The following IYD variants were observed in gnomAD, a reference collection of about 807,000 sequenced individuals.
IYD encodes the protein iodotyrosine deiodinase.
IYD carries 25 observed loss-of-function variants against 28.4 expected under a neutral mutation model. The observed-to-expected ratio is 0.88, with a 90% CI of 0.64 to 1.23. The LOEUF (loss-of-function observed/expected upper bound fraction) is 1.23, where lower values mean the gene tolerates loss of function less well. Ranked by LOEUF, IYD falls within the 50% of genes most tolerant of loss-of-function variation. IYD has a pLI of 0.00. For synonymous variants in IYD, 140 were observed against 130.8 expected (o/e 1.07, Z -0.48); for missense variants, 352 against 357.9 (o/e 0.98, Z 0.13).
In IYD at chr6:150,400,653, T is replaced by G. The variant is rs1778482546; in HGVS notation, c.*2416T>G. 6.6e-6 allele frequency: 1 copy of G among 152,232 alleles called. No homozygotes were observed. The allele number at this position is 152,232 out of a possible 1,614,324, so 9.4% of individuals were successfully genotyped here. A position where few individuals can be genotyped will look rare whatever the true frequency, so the allele number is the denominator to read the frequency against. The stretch of plus-strand genomic sequence containing the variant: ...TGTGGGAAGAATAAGAGGGGGACTG[T>G]CTTGTCCTTGCTACTCAAAGAGTGG... On this transcript the variant is annotated 3_prime_UTR_variant, in exon 5 of 5. Coordinates refer to ENST00000344419, the MANE Select transcript of IYD (RefSeq NM_203395.3).
At chr6:150,374,954 G>A (rs1777392365) in intron 1 of IYD, among the ~76,000 whole-genome samples, 2 of 152,100 alleles carry the variant, frequency 1.3e-5, no homozygotes, top group African/African-American at 4.8e-5. Flanking sequence ...TTGCTCTGAA[G>A]TTGGCATGCT....
At chr6:150,397,033 A>G (rs1007666170) in intron 4 of IYD, 2 of 151,382 alleles carry the variant, frequency 1.3e-5, no homozygotes, top group African/African-American at 4.9e-5. Flanking sequence ...ACAGTCTCTC[A>G]GGTATTGTGA....
chr6:150,376,409 T>C (rs1178377821), intron 1 of IYD, among the ~76,000 whole-genome samples: 1 of 152,032 alleles, frequency 6.6e-6, no homozygotes, highest in Non-Finnish European at 1.5e-5. Context: ...GGTGGGAGTG[T>C]GTAGGAGTAA....
intron 4 of IYD, chr6:150,395,445 CTG>C (rs1310110840): frequency 1.3e-6 from 2 of 1,537,196 alleles, no homozygotes; most frequent in Admixed American, 2.0e-5. Flanking sequence ...CTTCCTGAAT[CTG>C]TAAGCAGGTA....
At chr6:150,389,049 G>T (rs1408423216) in intron 1 of IYD, among the ~76,000 whole-genome samples, 2 of 152,092 alleles carry the variant, frequency 1.3e-5, no homozygotes, top group Non-Finnish European at 2.9e-5. Context: ...CCATTGCCCA[G>T]GCTAGAGTGC....
Position 150,378,777 on chromosome 6 carries a change from C to T in IYD, c.178+9568C>T, listed in dbSNP as rs543902542. On this transcript the variant is annotated intron_variant, in intron 1 of 4. Transcript: ENST00000344419. ...GACTAGAAATACCATTTGACCCAGC[C>T]ATCCCATTACTGGGTATATACCCAA... 6.7e-3 allele frequency among the ~76,000 whole-genome samples: 1,024 copies of T among 152,238 alleles called. 13 individuals are homozygous for T. The highest frequency in any genetic ancestry group is 0.023 in the African/African-American group (958 of 41,542).
rs1778394576 is a variant in IYD, at chr6:150,398,144, G to A, written c.777G>A (p.Leu259=). ...TGGGCCGCCCCGCACATGAAAAGCTGCTGATGCTGCTCCCCGTGGGGTACC... is the reference window on the plus strand; with the variant it reads ...TGGGCCGCCCCGCACATGAAAAGCTACTGATGCTGCTCCCCGTGGGGTACC... ...VLLGRPAHEK[L]LMLLPVGYPS... Residue 259 remains leucine, a synonymous_variant, in exon 5 of 5, where the codon CTG becomes CTA. Coordinates refer to ENST00000344419, the MANE Select transcript of IYD (RefSeq NM_203395.3). The A allele has an allele frequency of 6.2e-6, 10 of 1,614,078 alleles. No individual in the cohort carries two copies. The highest frequency in any genetic ancestry group is 8.5e-6 in the Non-Finnish European group (10 of 1,180,046).
intron 1 of IYD, among the ~76,000 whole-genome samples, chr6:150,386,752 C>T (rs965642082): frequency 4.6e-5 from 7 of 152,070 alleles, no homozygotes; most frequent in African/African-American, 1.4e-4. Flanking sequence ...TTATTATAAA[C>T]TGACCCTTTT....
chr6:150,375,363 A>C (rs1777408693), intron 1 of IYD, among the ~76,000 whole-genome samples: 1 of 152,202 alleles, frequency 6.6e-6, no homozygotes, highest in Non-Finnish European at 1.5e-5. Context: ...CTGTATTCTC[A>C]TGCTGATTCC....
At chr6:150,392,700 T>G (rs970579524) in intron 3 of IYD, among the ~76,000 whole-genome samples, 196 bp downstream of exon 3, 1 of 152,186 alleles carries the variant, frequency 6.6e-6, no homozygotes, top group Non-Finnish European at 1.5e-5. Context: ...TCTGACTCAA[T>G]TATTTGCTTA....
chr6:150,383,727 C>T (rs921996690), intron 1 of IYD, among the ~76,000 whole-genome samples: 37 of 144,070 alleles, frequency 2.6e-4, no homozygotes, highest in African/African-American at 8.8e-4. Flanking sequence ...CTTTGGGAGG[C>T]TGAGGTGGGA....
rs886669501 is a variant in IYD, at chr6:150,402,490, A to T, written c.*4253A>T. The T allele has an allele frequency of 2.0e-5, 3 of 152,294 alleles. No homozygotes were observed. Among genetic ancestry groups the T allele is most frequent in the African/African-American group, 7.2e-5 (3 of 41,466 alleles). The allele number at this position is 152,294 out of a possible 1,614,324, so 9.4% of individuals were successfully genotyped here. Reference sequence around the variant, plus strand: ...TCTTCCCCAAAACATATAACTCTGGATTTGGAAAACAAAACTGGATATAAC... The same window carrying T: ...TCTTCCCCAAAACATATAACTCTGGTTTTGGAAAACAAAACTGGATATAAC... On this transcript the variant is annotated 3_prime_UTR_variant, in exon 5 of 5. Coordinates refer to ENST00000344419, the MANE Select transcript of IYD (RefSeq NM_203395.3).
intron 2 of IYD, among the ~76,000 whole-genome samples, chr6:150,389,930 T>C (rs1778047891): frequency 6.6e-6 from 1 of 152,226 alleles, no homozygotes; most frequent in African/African-American, 2.4e-5. Context: ...TATATTTGTT[T>C]TTTTTGGAAG....
Position 150,386,286 on chromosome 6 carries a change from T to C in IYD, c.179-3066T>C, listed in dbSNP as rs7744475. ...CTCTAAATATAATATGTTAATGTTA[T>C]TGCATAGATTTTTCAATATGTAATA... On this transcript the variant is annotated intron_variant, in intron 1 of 4. Coordinates refer to ENST00000344419, the MANE Select transcript of IYD (RefSeq NM_203395.3). 4.4e-3 allele frequency among the ~76,000 whole-genome samples: 676 copies of C among 152,248 alleles called. 6 individuals carry two copies. The highest frequency in any genetic ancestry group is 0.015 in the African/African-American group (624 of 41,570).
At chr6:150,376,399 G>T (rs1461725743) in intron 1 of IYD, among the ~76,000 whole-genome samples, 1 of 152,170 alleles carries the variant, frequency 6.6e-6, no homozygotes, top group Non-Finnish European at 1.5e-5. Flanking sequence ...ATGAGGGGAT[G>T]GTGGGAGTGT....
rs1332916296 is a variant in IYD, at chr6:150,369,210, G to A, written c.178+1G>A. 1 of 1,611,670 alleles carries A rather than the reference G, an allele frequency of 6.2e-7. No individual in the cohort carries two copies. The highest frequency in any genetic ancestry group is 8.5e-7 in the Non-Finnish European group (1 of 1,179,852). On this transcript the variant is annotated splice_donor_variant, in intron 1 of 4. Coordinates refer to ENST00000344419, the MANE Select transcript of IYD (RefSeq NM_203395.3). LOFTEE classifies it high-confidence loss of function. ...AGTGACCTGCACCAAGCAGAAGAAG[G>A]TAAAGACACCAGCTATGCTGCTTAG...
At chr6:150,371,922 GC>G (rs1182869437) in intron 1 of IYD, among the ~76,000 whole-genome samples, 1 of 152,114 alleles carries the variant, frequency 6.6e-6, no homozygotes, top group African/African-American at 2.4e-5. Flanking sequence ...AGGCTTCTCA[GC>G]CCCCCAAGTC....
rs969920842 is a variant in IYD at position 150,403,713 on chromosome 6, T to C, written c.*5476T>C. Reference sequence around the variant, plus strand: ...AGAGGCTATAATCCCATTTGGGAAATTCCTAAAAAGTCATGAGGCAGGGGA... The same window carrying C: ...AGAGGCTATAATCCCATTTGGGAAACTCCTAAAAAGTCATGAGGCAGGGGA... On this transcript the variant is annotated 3_prime_UTR_variant, in exon 5 of 5. Coordinates refer to ENST00000344419, the MANE Select transcript of IYD (RefSeq NM_203395.3). 1 of 152,250 alleles carries C rather than the reference T, an allele frequency of 6.6e-6. No homozygotes were observed. The highest frequency in any genetic ancestry group is 6.5e-5 in the Admixed American group (1 of 15,286). The allele number at this position is 152,250 out of a possible 1,614,324, so 9.4% of individuals were successfully genotyped here.
intron 1 of IYD, among the ~76,000 whole-genome samples, chr6:150,388,683 C>CTTTCTTTCT (rs777778875): frequency 1.3e-5 from 1 of 79,348 alleles, no homozygotes. Context: ...TTCTTTCTTT[C>CTTTCTTTCT]TTCTTTCCTT....
Sources: allele counts gnomAD v4.1 joint callset (sites outside exome capture counted in the v4.1 genomes callset), GRCh38; gene constraint gnomAD v4.1.1; transcripts MANE v1.5; gene names NCBI Gene and HGNC (gene_info 2026-07-23, HGNC 2026-07-21).